ME2: variants seen among roughly 807,000 people sequenced by gnomAD.
ME2 encodes malic enzyme 2.
ME2 carries 60 observed loss-of-function variants against 73.7 expected under a neutral mutation model. The ratio of observed to expected loss-of-function variants is 0.81; its 90% CI spans 0.66 to 1.01. ME2 has a LOEUF of 1.01. ME2 is among the 50% of genes least tolerant of loss of function. The pLI is 0.00. For synonymous variants in ME2, 199 were observed against 236.9 expected, an observed-to-expected ratio of 0.84 and a Z score of 1.47; for missense variants, 594 against 705.5, an observed-to-expected ratio of 0.84 and a Z score of 1.79.
At chr18:50,880,373 C>T (rs1036445792) in intron 1 of ME2, among the ~76,000 whole-genome samples, 3 of 152,184 alleles carry the variant, frequency 2.0e-5, no homozygotes, top group Non-Finnish European at 2.9e-5. Flanking sequence ...CTCCCTTAAA[C>T]GTGTATACTC....
At chr18:50,942,932 T>G (rs1599128793) in intron 15 of ME2, among the ~76,000 whole-genome samples, 1 of 152,126 alleles carries the variant, frequency 6.6e-6, no homozygotes, top group Non-Finnish European at 1.5e-5. Context: ...AACTGCAGAA[T>G]AGTCTTAAGC....
chr18:50,937,587 G>GAA (rs536234781), intron 13 of ME2, among the ~76,000 whole-genome samples: 1 of 151,776 alleles, frequency 6.6e-6, no homozygotes, highest in Non-Finnish European at 1.5e-5. Flanking sequence ...ACATCTTGGG[G>GAA]AAAAAAACAA....
At chr18:50,900,910 A>C (rs547237224) in intron 2 of ME2, among the ~76,000 whole-genome samples, 4 of 152,240 alleles carry the variant, frequency 2.6e-5, no homozygotes, top group South Asian at 4.1e-4. Context: ...AGTCAGTTAA[A>C]CCTCTTTTCT....
rs1302846701 is a variant in ME2, at chr18:50,950,204, A to G, written c.*3020A>G. 1 of 152,218 alleles carries G rather than the reference A, an allele frequency of 6.6e-6. No homozygotes were observed. The highest frequency in any genetic ancestry group is 1.5e-5 in the Non-Finnish European group (1 of 68,042). 9.4% of individuals were successfully genotyped at this position (152,218 alleles called of 1,614,324 possible). ...ATGAGAAGTTTTAGTCCAAGATTTTAGTTAAAATATTTTAAAATTTTTTGA... is the reference window on the plus strand; with the variant it reads ...ATGAGAAGTTTTAGTCCAAGATTTTGGTTAAAATATTTTAAAATTTTTTGA... On this transcript the variant is annotated 3_prime_UTR_variant, in exon 16 of 16. Coordinates refer to ENST00000321341, the MANE Select transcript of ME2 (RefSeq NM_002396.5).
intron 3 of ME2, among the ~76,000 whole-genome samples, chr18:50,910,772 AG>A (rs1917137449): frequency 6.6e-6 from 1 of 152,202 alleles, no homozygotes; most frequent in African/African-American, 2.4e-5. Flanking sequence ...ACACTGTGGA[AG>A]GGTAGTACAG....
chr18:50,920,962 T>TA, intron 9 of ME2, 112 bp from the exon 10 acceptor site: 1 of 723,140 alleles, frequency 1.4e-6, no homozygotes, highest in Non-Finnish European at 2.2e-6. Flanking sequence ...GTTTGATTTG[T>TA]AAGGGAAAAA....
chr18:50,934,519 A>T (rs958193120), intron 13 of ME2: 3 of 152,084 alleles, frequency 2.0e-5, no homozygotes, highest in Admixed American at 2.0e-4. Context: ...GTAGTGGTGC[A>T]CACCCCTATT....
chr18:50,943,984 G>A (rs941831520), intron 15 of ME2, among the ~76,000 whole-genome samples: 1 of 152,124 alleles, frequency 6.6e-6, no homozygotes, highest in African/African-American at 2.4e-5. Flanking sequence ...CAAAGGCCAA[G>A]GCAGGAGGAT....
At chr18:50,934,746 CTG>C (rs1174151362) in intron 13 of ME2, 2 of 151,946 alleles carry the variant, frequency 1.3e-5, no homozygotes, top group African/African-American at 2.4e-5. Context: ...AAAAAAAAAA[CTG>C]TTAATATTTG....
At position 50,951,303 on chromosome 18, in the gene ME2, T is replaced by C. The variant is rs764078632; in HGVS notation, c.*4119T>C. On this transcript the variant is annotated 3_prime_UTR_variant, in exon 16 of 16. Coordinates refer to ENST00000321341, the MANE Select transcript of ME2 (RefSeq NM_002396.5). ...AGATCAAAACGTCATTATTAAGGAG[T>C]ATGAAGCATTATTTACTGGCTCTCA... 7.2e-5 allele frequency: 11 copies of C among 152,074 alleles called. No individual in the cohort carries two copies. The highest frequency in any genetic ancestry group is 1.2e-4 in the Non-Finnish European group (8 of 68,026). 9.4% of individuals were successfully genotyped at this position (152,074 alleles called of 1,614,324 possible).
At position 50,921,206 on chromosome 18, in the gene ME2, G is replaced by C; in HGVS notation, c.1056+19G>C. 2 of 1,262,070 alleles carry C rather than the reference G, an allele frequency of 1.6e-6. No individual in the cohort carries two copies. The highest frequency in any genetic ancestry group is 2.2e-6 in the Non-Finnish European group (2 of 894,142). The allele number at this position is 1,262,070 out of a possible 1,614,324, so 78.2% of individuals were successfully genotyped here. ...AGTTAAGGTAAGGTATTTAAAATTT[G>C]GAGAAGCAAAAGAGTGTATTATATT... On this transcript the variant is annotated intron_variant, in intron 10 of 15. Coordinates refer to ENST00000321341, the MANE Select transcript of ME2 (RefSeq NM_002396.5).
At chr18:50,905,040 G>T (rs554716713) in intron 2 of ME2, among the ~76,000 whole-genome samples, 2 of 151,938 alleles carry the variant, frequency 1.3e-5, no homozygotes, top group South Asian at 4.2e-4. Flanking sequence ...AGGCTGGAGT[G>T]CGGTGGCACG....
intron 13 of ME2, chr18:50,934,571 C>G (rs1424713526): frequency 6.6e-6 from 1 of 152,012 alleles, no homozygotes; most frequent in Non-Finnish European, 1.5e-5. Context: ...TCGCATGAGC[C>G]TGGGAGGTCC....
chr18:50,951,573 C>G lies in ME2; in HGVS notation c.*4389C>G, dbSNP rs1345568372. On this transcript the variant is annotated 3_prime_UTR_variant, in exon 16 of 16. Coordinates refer to ENST00000321341, the MANE Select transcript of ME2 (RefSeq NM_002396.5). The stretch of plus-strand genomic sequence containing the variant: ...TTTTTTTTTTTTTTTTTAACTTCTT[C>G]ATACTCTTAAAAAGCTCCAGAATGG... 7.6e-6 allele frequency: 1 copy of G among 131,852 alleles called. No homozygotes were observed. Among genetic ancestry groups the G allele is most frequent in the Non-Finnish European group, 1.6e-5 (1 of 62,472 alleles). The allele number at this position is 131,852 out of a possible 1,614,324, so 8.2% of individuals were successfully genotyped here. A position where few individuals can be genotyped will look rare whatever the true frequency, so the allele number is the denominator to read the frequency against.
intron 1 of ME2, among the ~76,000 whole-genome samples, chr18:50,885,680 AT>A (rs1916445228): frequency 6.6e-6 from 1 of 151,980 alleles, no homozygotes; most frequent in Non-Finnish European, 1.5e-5. Flanking sequence ...ATATATATAT[AT>A]TTTTAACACT....
At chr18:50,925,463 A>G (rs551751822) in intron 11 of ME2, among the ~76,000 whole-genome samples, 25 of 152,050 alleles carry the variant, frequency 1.6e-4, no homozygotes, top group Non-Finnish European at 3.1e-4. Flanking sequence ...TGGGCGACAG[A>G]GCGAGACTCT....
intron 2 of ME2, among the ~76,000 whole-genome samples, chr18:50,902,449 A>G (rs1469007210): frequency 6.6e-6 from 1 of 152,214 alleles, no homozygotes; most frequent in Non-Finnish European, 1.5e-5. Flanking sequence ...CCCAGGCTGG[A>G]GTGCAATAGT....
At chr18:50,890,411 G>A (rs548447709) in intron 1 of ME2, among the ~76,000 whole-genome samples, 1 of 152,180 alleles carries the variant, frequency 6.6e-6, no homozygotes, top group East Asian at 1.9e-4. Flanking sequence ...ACTGTGCAGG[G>A]CCTCAATGTA....
rs537075992 is a variant in ME2 at position 50,949,326 on chromosome 18, G to A, written c.*2142G>A. 6.6e-6 allele frequency: 1 copy of A among 152,256 alleles called. No homozygotes were observed. Among genetic ancestry groups the A allele is most frequent in the East Asian group, 1.9e-4 (1 of 5,170 alleles). The allele number at this position is 152,256 out of a possible 1,614,324, so 9.4% of individuals were successfully genotyped here. ...AAAGACAAAAGGTTTATGGGTTTTG[G>A]TTTGTTTGTTTTAGATATGGGGTTT... On this transcript the variant is annotated 3_prime_UTR_variant, in exon 16 of 16. Transcript: ENST00000321341.
Sources: allele counts gnomAD v4.1 joint callset (sites outside exome capture counted in the v4.1 genomes callset), GRCh38; gene constraint gnomAD v4.1.1; transcripts MANE v1.5; gene names NCBI Gene and HGNC (gene_info 2026-07-23, HGNC 2026-07-21).